Variants in TRRAP observed in about 807,000 individuals in gnomAD.
The protein encoded by TRRAP is transformation/transcription domain associated protein.
Under a neutral mutation model 438.8 loss-of-function variants are expected in TRRAP, and 41 were observed. The observed-to-expected ratio is 0.09, with a 90% CI of 0.07 to 0.12. The LOEUF is 0.12. TRRAP is among the 10% of genes least tolerant of loss of function. The pLI is 1.00. For synonymous variants in TRRAP, 1,994 were observed against 1,962.9 expected (o/e 1.02, Z -0.42); for missense variants, 3,122 against 5,055.1 (o/e 0.62, Z 11.60).
At chr7:98,983,608 T>A in intron 60 of TRRAP, 149 bp downstream of exon 60, 1 of 804,092 alleles carries the variant, frequency 1.2e-6, no homozygotes, top group Non-Finnish European at 2.0e-6. Context: ...CAGGTCGGGG[T>A]GGTAATGGTA....
intron 67 of TRRAP, chr7:98,999,400 C>G: frequency 8.1e-7 from 1 of 1,230,916 alleles, no homozygotes; most frequent in Non-Finnish European, 1.2e-6. Flanking sequence ...TCCTCTTGAT[C>G]TACATGAGAT....
At chr7:98,885,130 T>A (rs937221613) in intron 3 of TRRAP, among the ~76,000 whole-genome samples, 12 of 152,066 alleles carry the variant, frequency 7.9e-5, no homozygotes, top group Non-Finnish European at 1.5e-4. Flanking sequence ...TTAAAAAAAA[T>A]TTTAAGAGAT....
chr7:98,928,387 C>T (rs1407237539), intron 23 of TRRAP, among the ~76,000 whole-genome samples: 1 of 152,190 alleles, frequency 6.6e-6, no homozygotes, highest in Non-Finnish European at 1.5e-5. Flanking sequence ...AGTTGGTGTC[C>T]TCAAAGCCCC....
At chr7:98,888,205 G>A (rs1014570931) in intron 3 of TRRAP, among the ~76,000 whole-genome samples, 4 of 151,560 alleles carry the variant, frequency 2.6e-5, no homozygotes, top group East Asian at 3.9e-4. Flanking sequence ...ACTCCAGCCT[G>A]GGTGACAGAG....
In TRRAP at chr7:98,945,661, A is replaced by G. The variant is rs1373311124; in HGVS notation, c.4474-86A>G. On this transcript the variant is annotated intron_variant, in intron 31 of 72. Coordinates refer to ENST00000456197, the MANE Select transcript of TRRAP (RefSeq NM_001375524.1). ...TGTCTTTACTGTCTTGTTAACCCCAATAACCCTTACTGTGTTTGAGTATGT... is the reference window on the plus strand; with the variant it reads ...TGTCTTTACTGTCTTGTTAACCCCAGTAACCCTTACTGTGTTTGAGTATGT... The G allele has an allele frequency of 1.2e-5, 18 of 1,504,770 alleles. No homozygotes were observed. The African/African-American group carries it at 1.2e-4, about 10-fold the overall frequency. 93.2% of individuals were successfully genotyped at this position (1,504,770 alleles called of 1,614,324 possible). A position where few individuals can be genotyped will look rare whatever the true frequency, so the allele number is the denominator to read the frequency against.
Position 98,912,087 on chromosome 7 carries a change from A to G in TRRAP, c.2073A>G (p.Glu691=). ...CTCTGTTTGCTACGATTCTGGTGGA[A>G]TATCTCCTTGATCGCCTGCCAGAAA... ...TSALFATILV[E]YLLDRLPEMG... The change falls in exon 18 of 73, where the codon GAA becomes GAG. Residue 691 remains glutamate (E), a synonymous_variant. Transcript: ENST00000456197. 2 of 1,614,180 alleles carry G rather than the reference A, an allele frequency of 1.2e-6. No homozygotes were observed. Among genetic ancestry groups the G allele is most frequent in the Non-Finnish European group, 8.5e-7 (1 of 1,180,034 alleles).
chr7:98,950,081 T>G lies in TRRAP; in HGVS notation c.5153T>G (p.Ile1718Arg), dbSNP rs782667757. 1.2e-6 allele frequency: 2 copies of G among 1,614,132 alleles called. No homozygotes were observed. The highest frequency in any genetic ancestry group is 1.7e-6 in the Non-Finnish European group (2 of 1,180,054). ...CCCTCCAGAAGGAATTACGGAGATA[T>G]AGAATTGCTGTTCCAGCTGCTCCGA... is the stretch of plus-strand genomic sequence containing the variant. ...LNYCKRNYGD[I>R]ELLFQLLRAF... Residue 1718 changes from isoleucine to arginine, a missense_variant, in exon 38 of 73, where the codon ATA becomes AGA. Physicochemically the swap from Ile to Arg is moderately conservative, Grantham distance 97. Transcript: ENST00000456197.
Position 99,011,563 on chromosome 7 carries a change from G to A in TRRAP, c.11337+28G>A, listed in dbSNP as rs151042469. The A allele has an allele frequency of 6.2e-7, 1 of 1,604,416 alleles. No individual in the cohort carries two copies. Among genetic ancestry groups the A allele is most frequent in the Non-Finnish European group, 8.5e-7 (1 of 1,175,572 alleles). On this transcript the variant is annotated intron_variant, in intron 72 of 72. Transcript: ENST00000456197. The surrounding 1 kb of genome is among the most constrained non-coding windows in gnomAD (Gnocchi z 7.1). Reference sequence around the variant, plus strand: ...GGGTCTCCACGTCGTCCTATCACAGGCGCAGGCTAGAGCCACTCAGATGCC... The same window carrying A: ...GGGTCTCCACGTCGTCCTATCACAGACGCAGGCTAGAGCCACTCAGATGCC...
intron 57 of TRRAP, 93 bp from the exon 58 acceptor site, chr7:98,978,676 G>C (rs1792778203): frequency 6.5e-7 from 1 of 1,534,824 alleles, no homozygotes; most frequent in South Asian, 1.1e-5. Flanking sequence ...TCTGTAGAAT[G>C]GAAATTTGCT....
chr7:98,980,408 C>A (rs1227692062), intron 58 of TRRAP, among the ~76,000 whole-genome samples: 1 of 151,844 alleles, frequency 6.6e-6, no homozygotes, highest in African/African-American at 2.4e-5. Flanking sequence ...TGAAAACTTT[C>A]ATGAAAAAAA....
At chr7:98,922,048 ATC>A (rs1166066276) in intron 21 of TRRAP, 95 bp downstream of exon 21, 43 of 1,505,138 alleles carry the variant, frequency 2.9e-5, no homozygotes, top group African/African-American at 8.3e-5. Flanking sequence ...GTCTTAGGCA[ATC>A]TCTGAGTAGA....
At chr7:98,973,303 AAG>A (rs1792501205) in intron 53 of TRRAP, among the ~76,000 whole-genome samples, 1 of 152,102 alleles carries the variant, frequency 6.6e-6, no homozygotes. Flanking sequence ...CACCAGAAAA[AAG>A]GGCTATAAGT....
chr7:98,967,211 C>T, intron 50 of TRRAP, 49 bp downstream of exon 50: 1 of 1,574,832 alleles, frequency 6.3e-7, no homozygotes, highest in Non-Finnish European at 8.6e-7. Context: ...CCTTAATGTG[C>T]TCCCCGGCCA....
intron 47 of TRRAP, among the ~76,000 whole-genome samples, chr7:98,963,254 G>A (rs1406345330): frequency 6.6e-6 from 1 of 152,184 alleles, no homozygotes; most frequent in Non-Finnish European, 1.5e-5. Flanking sequence ...GGAGAATTTG[G>A]TTAACATGGT....
At chr7:98,925,713 T>C (rs1383304388) in intron 22 of TRRAP, among the ~76,000 whole-genome samples, 1 of 152,248 alleles carries the variant, frequency 6.6e-6, no homozygotes, top group East Asian at 1.9e-4. Flanking sequence ...AATGTAATGA[T>C]CTTTTGAGGT....
intron 30 of TRRAP, among the ~76,000 whole-genome samples, chr7:98,940,013 C>G (rs1554415210): frequency 6.6e-6 from 1 of 152,088 alleles, no homozygotes; most frequent in African/African-American, 2.4e-5. Flanking sequence ...TCCCAAGTAA[C>G]TGGGATTACA....
Position 99,010,914 on chromosome 7 carries a change from C to T in TRRAP, c.10939-138C>T, listed in dbSNP as rs1446140240. 43 of 874,184 alleles carry T rather than the reference C, an allele frequency of 4.9e-5. No homozygotes were observed. The East Asian group carries it at 7.2e-4, about 15-fold the overall frequency. 54.2% of individuals were successfully genotyped at this position (874,184 alleles called of 1,614,324 possible). A position where few individuals can be genotyped will look rare whatever the true frequency, so the allele number is the denominator to read the frequency against. Reference sequence around the variant, plus strand: ...CCTCGCCTTCAGTCTCCTAACAATGCGTGCGTTAAATCTGTCACCAGAATT... The same window carrying T: ...CCTCGCCTTCAGTCTCCTAACAATGTGTGCGTTAAATCTGTCACCAGAATT... On this transcript the variant is annotated intron_variant, in intron 70 of 72. Transcript: ENST00000456197.
chr7:98,977,098 G>A lies in TRRAP; in HGVS notation c.8385+22G>A, dbSNP rs554065286. ...GCAGGTAAACCTCAGACCACTGACGGTCTTGGGTGTGTAATGAGAGGTCAT... is the reference window on the plus strand; with the variant it reads ...GCAGGTAAACCTCAGACCACTGACGATCTTGGGTGTGTAATGAGAGGTCAT... On this transcript the variant is annotated intron_variant, in intron 56 of 72. Coordinates refer to ENST00000456197, the MANE Select transcript of TRRAP (RefSeq NM_001375524.1). The A allele has an allele frequency of 1.1e-5, 17 of 1,613,986 alleles. 1 individual carries two copies. The Admixed American group carries it at 1.7e-4, about 16-fold the overall frequency.
chr7:98,887,019 G>A (rs376101741), intron 3 of TRRAP, among the ~76,000 whole-genome samples: 16 of 152,150 alleles, frequency 1.1e-4, no homozygotes, highest in African/African-American at 3.6e-4. Context: ...TTCCTGCTTC[G>A]GCCCCCAAGT....
Sources: allele counts gnomAD v4.1 joint callset (sites outside exome capture counted in the v4.1 genomes callset), GRCh38; gene constraint gnomAD v4.1.1; non-coding constraint Gnocchi (gnomAD v3.1); transcripts MANE v1.5; gene names NCBI Gene and HGNC (gene_info 2026-07-23, HGNC 2026-07-21).